The following RARB variants were observed in gnomAD, a reference collection of about 807,000 sequenced individuals.
RARB encodes retinoic acid receptor beta, also known as HBV-activated protein.
RARB carries 17 observed loss-of-function variants against 51.9 expected under a neutral mutation model. The observed-to-expected ratio is 0.33, with a 90% CI of 0.22 to 0.49. The LOEUF is 0.49. Among genes scored for constraint, RARB ranks in the 20% least tolerant of loss-of-function variants. The probability of loss-of-function intolerance (pLI) is 0.99; values close to 1 mark genes in which losing one functional copy is unlikely to be tolerated. For synonymous variants in RARB, 215 were observed against 195.4 expected, an observed-to-expected ratio of 1.10 and a Z score of -0.84; for missense variants, 369 against 550.8, an observed-to-expected ratio of 0.67 and a Z score of 3.30.
intron 2 of RARB, among the ~76,000 whole-genome samples, chr3:24,882,753 T>C (rs1028402846): frequency 6.6e-6 from 1 of 152,192 alleles, no homozygotes; most frequent in African/African-American, 2.4e-5. Context: ...CCCATGTCTC[T>C]GCTGTCAGAA....
At chr3:25,080,328 A>G (rs886759293) in intron 3 of RARB, among the ~76,000 whole-genome samples, 3 of 152,306 alleles carry the variant, frequency 2.0e-5, no homozygotes, top group South Asian at 4.1e-4. Flanking sequence ...TTATCCATTT[A>G]TATGTTAACA....
intron 4 of RARB, among the ~76,000 whole-genome samples, chr3:25,148,354 T>C (rs1260425753): frequency 1.3e-5 from 2 of 152,230 alleles, no homozygotes; most frequent in African/African-American, 2.4e-5. Flanking sequence ...GCAGATACTT[T>C]ACAAAAATAA....
chr3:25,148,859 G>C (rs1258443508), intron 4 of RARB, among the ~76,000 whole-genome samples: 1 of 152,178 alleles, frequency 6.6e-6, no homozygotes, highest in African/African-American at 2.4e-5. Context: ...TGCACAGCCA[G>C]CCCCTGAAAA....
At chr3:25,345,215 C>G (rs1353416828) in intron 5 of RARB, among the ~76,000 whole-genome samples, 1 of 152,116 alleles carries the variant, frequency 6.6e-6, no homozygotes, top group African/African-American at 2.4e-5. Context: ...AATGTAACCT[C>G]TGGAGGTTTT....
chr3:24,934,662 T>A (rs61471010), intron 2 of RARB, among the ~76,000 whole-genome samples: 2 of 152,130 alleles, frequency 1.3e-5, no homozygotes, highest in Non-Finnish European at 2.9e-5. Context: ...ATTCAAAATA[T>A]GAATATTTTT....
chr3:25,024,680 G>A (rs986177061), intron 2 of RARB, among the ~76,000 whole-genome samples: 5 of 152,124 alleles, frequency 3.3e-5, no homozygotes, highest in East Asian at 1.9e-4. Context: ...AGCTGGGCAC[G>A]GTGGCTCATG....
At chr3:25,490,758 C>T (rs1559431075) in intron 2 of RARB, among the ~76,000 whole-genome samples, 1 of 151,928 alleles carries the variant, frequency 6.6e-6, no homozygotes, top group African/African-American at 2.4e-5. Context: ...GGCTTCTTGC[C>T]GTGTTATACT....
At chr3:24,939,450 A>G (rs1695613220) in intron 2 of RARB, among the ~76,000 whole-genome samples, 1 of 152,218 alleles carries the variant, frequency 6.6e-6, no homozygotes, top group Admixed American at 6.5e-5. Flanking sequence ...GTCTTTTTAA[A>G]TCTAGGTACA....
intron 5 of RARB, among the ~76,000 whole-genome samples, chr3:25,331,663 A>G (rs1704900083): frequency 6.6e-6 from 1 of 152,252 alleles, no homozygotes; most frequent in Admixed American, 6.5e-5. Context: ...AAGGTAAGAA[A>G]TAACTAAGAT....
chr3:24,849,326 C>T (rs1025647934), intron 1 of RARB, among the ~76,000 whole-genome samples: 3 of 152,184 alleles, frequency 2.0e-5, no homozygotes, highest in African/African-American at 4.8e-5. Flanking sequence ...GGGGGAGCTA[C>T]TGTATATGCC....
Position 25,329,307 on chromosome 3 carries a change from T to C in RARB, c.179-131886T>C, listed in dbSNP as rs186744284. 2.3e-3 allele frequency among the ~76,000 whole-genome samples: 349 copies of C among 152,076 alleles called. 1 individual carries two copies. The highest frequency in any genetic ancestry group is 7.9e-3 in the African/African-American group (327 of 41,476). ...CTGACTGACACCTCATACGGCCGGG[T>C]GCCCCTCTGAGACGAAGCTTCCAGA... On this transcript the variant is annotated intron_variant, in intron 5 of 11. Coordinates refer to the RARB transcript ENST00000383772.
At chr3:25,367,803 C>CA (rs74565439) in intron 5 of RARB, among the ~76,000 whole-genome samples, 52,786 of 122,008 alleles carry the variant, frequency 0.43, 11,257 homozygotes, top group East Asian at 0.73. Flanking sequence ...GACCCTGTCA[C>CA]AAAAAAAAAC....
intron 5 of RARB, among the ~76,000 whole-genome samples, chr3:25,374,927 A>AT (rs1706412605): frequency 6.6e-6 from 1 of 152,000 alleles, no homozygotes; most frequent in Non-Finnish European, 1.5e-5. Context: ...CTCTAAGATT[A>AT]TTTTTTTTCC....
intron 2 of RARB, among the ~76,000 whole-genome samples, chr3:24,883,927 A>C (rs577718094): frequency 2.8e-4 from 42 of 152,174 alleles, no homozygotes; most frequent in Non-Finnish European, 6.0e-4. Context: ...GTGGTTATTT[A>C]ATTTTCATTA....
chr3:25,449,911 A>AT (rs1020933237), intron 1 of RARB, among the ~76,000 whole-genome samples: 4 of 149,672 alleles, frequency 2.7e-5, no homozygotes, highest in Non-Finnish European at 4.5e-5. Context: ...GCCACCACAA[A>AT]TTTTTTTTGT....
intron 2 of RARB, among the ~76,000 whole-genome samples, chr3:24,965,480 G>C (rs1458364682): frequency 6.6e-6 from 1 of 152,174 alleles, no homozygotes; most frequent in African/African-American, 2.4e-5. Context: ...TTTGGAATCA[G>C]AGAACCATGG....
At chr3:25,345,388 TG>T (rs2125453691) in intron 5 of RARB, among the ~76,000 whole-genome samples, 1 of 152,232 alleles carries the variant, frequency 6.6e-6, no homozygotes, top group African/African-American at 2.4e-5. Flanking sequence ...TTCATCTGGC[TG>T]GGCATGGTGG....
intron 2 of RARB, among the ~76,000 whole-genome samples, chr3:24,994,642 G>C (rs765111995): frequency 3.3e-5 from 5 of 151,948 alleles, no homozygotes; most frequent in African/African-American, 1.2e-4. Flanking sequence ...CCACATGTAG[G>C]TATTTGGTCT....
intron 4 of RARB, among the ~76,000 whole-genome samples, chr3:25,575,676 T>A (rs553621207): frequency 9.2e-5 from 14 of 152,296 alleles, no homozygotes; most frequent in African/African-American, 3.4e-4. Flanking sequence ...CTGTCCAGAT[T>A]TCCACATTTT....
Sources: allele counts gnomAD v4.1 joint callset (sites outside exome capture counted in the v4.1 genomes callset), GRCh38; gene constraint gnomAD v4.1.1; transcripts MANE v1.5; gene names NCBI Gene and HGNC (gene_info 2026-07-23, HGNC 2026-07-21).